POGLUT3: variants seen among roughly 807,000 people sequenced by gnomAD.
POGLUT3 encodes KDEL (Lys-Asp-Glu-Leu) containing 2.
In POGLUT3, 48 loss-of-function variants were observed where a neutral mutation model predicts 54.3. That is an observed-to-expected ratio of 0.88 (90% CI 0.70 to 1.12). POGLUT3 has a LOEUF of 1.12. Among genes scored for constraint, POGLUT3 ranks in the 50% most tolerant of loss-of-function variants. The probability of loss-of-function intolerance (pLI) is 0.00; values close to 1 mark genes in which losing one functional copy is unlikely to be tolerated. For missense variants in POGLUT3, 629 were observed against 618.7 expected (o/e 1.02, Z -0.18); for synonymous variants, 218 against 237.4 (o/e 0.92, Z 0.75).
chr11:108,488,465 G>C (rs1327334820), intron 2 of POGLUT3, among the ~76,000 whole-genome samples: 2 of 152,172 alleles, frequency 1.3e-5, no homozygotes, highest in African/African-American at 2.4e-5. Flanking sequence ...CAGGGAGGGG[G>C]ACTGTAGGCA....
Position 108,477,227 on chromosome 11 carries a change from C to T in POGLUT3, c.1398+380G>A, listed in dbSNP as rs533575783. Among the ~76,000 whole-genome samples, 4 of 152,224 alleles carry T rather than the reference C, an allele frequency of 2.6e-5. No individual in the cohort carries two copies. The East Asian group carries it at 7.7e-4, about 29-fold the overall frequency. On this transcript the variant is annotated intron_variant, in intron 7 of 7. Coordinates refer to ENST00000323468, the MANE Select transcript of POGLUT3 (RefSeq NM_153705.5). ...GACCAGCCTGGCCAACATGGCGAAA[C>T]TCCGTTTCTACTAAAAATACAAAAA...
Position 108,491,095 on chromosome 11 carries a change from G to T in POGLUT3, c.275C>A (p.Pro92His). The T allele has an allele frequency of 6.2e-7, 1 of 1,613,890 alleles. No individual in the cohort carries two copies. Among genetic ancestry groups the T allele is most frequent in the Admixed American group, 1.7e-5 (1 of 60,012 alleles). Residue 92 changes from proline (P) to histidine (H), a missense_variant, in exon 2 of 8, where the codon CCT becomes CAT. By Grantham distance (77) the Pro-to-His change is moderately conservative (BLOSUM62 -2). Transcript: ENST00000323468. The part of the protein sequence containing the change: ...KELVRIHVPK[P>H]LDRNDGTFLM... Reference sequence around the variant, plus strand: ...AAATGTTCCATCATTCCTGTCCAAAGGTTTAGGGACATGTATCCGGACCAA... The same window carrying T: ...AAATGTTCCATCATTCCTGTCCAAATGTTTAGGGACATGTATCCGGACCAA...
intron 2 of POGLUT3, among the ~76,000 whole-genome samples, chr11:108,489,688 G>A (rs1167883475): frequency 3.9e-5 from 6 of 152,156 alleles, no homozygotes; most frequent in Non-Finnish European, 5.9e-5. Flanking sequence ...TTGGGGAGCC[G>A]AGGCAGGGGG....
chr11:108,494,312 G>A (rs2093618415), intron 1 of POGLUT3, among the ~76,000 whole-genome samples: 2 of 152,190 alleles, frequency 1.3e-5, no homozygotes, highest in South Asian at 4.1e-4. Context: ...CAGCAAAAGT[G>A]TTGACCCCAC....
chr11:108,482,203 T>C lies in POGLUT3; in HGVS notation c.704A>G (p.Glu235Gly). 1 of 1,613,648 alleles carries C rather than the reference T, an allele frequency of 6.2e-7. No individual in the cohort carries two copies. The highest frequency in any genetic ancestry group is 8.5e-7 in the Non-Finnish European group (1 of 1,179,668). The part of the protein sequence containing the change: ...LTRKVLLPDL[E>G]FYVNLGDWPL... ...CCAATCTCCAAGATTAACATAAAAT[T>C]CTAAATCTGGGAGAAGGACCTAAAT... Residue 235 changes from glutamate to glycine, a missense_variant, in exon 4 of 8, where the codon GAA becomes GGA. Coordinates refer to ENST00000323468, the MANE Select transcript of POGLUT3 (RefSeq NM_153705.5).
At chr11:108,492,696 C>G (rs1253201453) in intron 1 of POGLUT3, among the ~76,000 whole-genome samples, 1 of 151,762 alleles carries the variant, frequency 6.6e-6, no homozygotes, top group African/African-American at 2.4e-5. Context: ...TAATCGAGTA[C>G]CAAACATATA....
At chr11:108,476,078 T>C (rs1211442209) in intron 7 of POGLUT3, among the ~76,000 whole-genome samples, 3 of 151,950 alleles carry the variant, frequency 2.0e-5, no homozygotes, top group Admixed American at 1.3e-4. Context: ...TCCTAGGAGG[T>C]TGAGGCTGCA....
At chr11:108,482,523 G>A (rs2093594810) in intron 3 of POGLUT3, among the ~76,000 whole-genome samples, 1 of 152,104 alleles carries the variant, frequency 6.6e-6, no homozygotes, top group Non-Finnish European at 1.5e-5. Flanking sequence ...GGAGGTTGAG[G>A]CGAGTGGATC....
intron 4 of POGLUT3, 49 bp from the exon 5 acceptor site, chr11:108,481,425 T>C (rs1005490848): frequency 7.0e-7 from 1 of 1,419,774 alleles, no homozygotes; most frequent in Non-Finnish European, 9.5e-7. Flanking sequence ...TTTGACATTT[T>C]AATATGGCAA....
In POGLUT3 at chr11:108,498,367, G is replaced by T; in HGVS notation, c.-1C>A. On this transcript the variant is annotated 5_prime_UTR_variant, in exon 1 of 8. Transcript: ENST00000323468. Reference sequence around the variant, plus strand: ...GCAGGGCCCGCGGGAGGCGGCGCATGGTCGGCGGGGCACAACTGCGGTCCA... The same window carrying T: ...GCAGGGCCCGCGGGAGGCGGCGCATTGTCGGCGGGGCACAACTGCGGTCCA... 1 of 1,308,522 alleles carries T rather than the reference G, an allele frequency of 7.6e-7. No individual in the cohort carries two copies. The highest frequency in any genetic ancestry group is 9.7e-7 in the Non-Finnish European group (1 of 1,032,198). The allele number at this position is 1,308,522 out of a possible 1,614,324, so 81.1% of individuals were successfully genotyped here. A position where few individuals can be genotyped will look rare whatever the true frequency, so the allele number is the denominator to read the frequency against.
At chr11:108,492,865 C>A (rs74540959) in intron 1 of POGLUT3, among the ~76,000 whole-genome samples, 1,585 of 152,264 alleles carry the variant, frequency 0.01, 31 homozygotes, top group African/African-American at 0.035. Flanking sequence ...AAATGAAACA[C>A]ATAAATTATT....
intron 7 of POGLUT3, among the ~76,000 whole-genome samples, chr11:108,476,584 A>AC (rs1209604350): frequency 6.6e-6 from 1 of 152,208 alleles, no homozygotes; most frequent in Non-Finnish European, 1.5e-5. Flanking sequence ...GGTAGTATCC[A>AC]CAAGCATCTA....
chr11:108,486,097 A>C, intron 3 of POGLUT3, 60 bp downstream of exon 3: 1 of 1,334,962 alleles, frequency 7.5e-7, no homozygotes, highest in Non-Finnish European at 1.0e-6. Context: ...TATAATTCTA[A>C]ACATTTAAAT....
intron 1 of POGLUT3, among the ~76,000 whole-genome samples, chr11:108,494,413 C>T (rs1245641856): frequency 2.6e-5 from 4 of 152,216 alleles, no homozygotes; most frequent in African/African-American, 9.6e-5. Context: ...TAGCTGCCAA[C>T]GACGAACACC....
At chr11:108,486,469 C>T (rs1368279359) in intron 2 of POGLUT3, 29 bp from the exon 3 acceptor site, 5 of 1,606,792 alleles carry the variant, frequency 3.1e-6, no homozygotes, top group Non-Finnish European at 3.4e-6. Context: ...AAAAAGGCCG[C>T]ACTCCATTAG....
At chr11:108,488,016 TTTGTTGTTTTTG>T in intron 2 of POGLUT3, among the ~76,000 whole-genome samples, 1 of 151,958 alleles carries the variant, frequency 6.6e-6, no homozygotes, top group African/African-American at 2.4e-5. Context: ...ACAATAGTTT[TTTGTTGTTTTTG>T]TTGTTGTTTT....
intron 2 of POGLUT3, among the ~76,000 whole-genome samples, chr11:108,489,851 C>A (rs933642438): frequency 6.6e-6 from 1 of 152,118 alleles, no homozygotes. Context: ...GAGGCTGAGG[C>A]GGGAGGTTTG....
rs2093579672 is a variant in POGLUT3, at chr11:108,475,465, T to TTG, written c.1399-514_1399-513insCA. ...TTTCTATAAATGGAGTTTTTTTTGT[T>TTG]TTTGTTTTTTTTTTTTTTTGAGACA... On this transcript the variant is annotated intron_variant, in intron 7 of 7. Coordinates refer to ENST00000323468, the MANE Select transcript of POGLUT3 (RefSeq NM_153705.5). Among the ~76,000 whole-genome samples, 6 of 141,318 alleles carry TTG rather than the reference T, an allele frequency of 4.2e-5. No individual in the cohort carries two copies. The South Asian group carries it at 9.5e-4, about 22-fold the overall frequency. 92.7% of individuals were successfully genotyped at this position (141,318 alleles called of 152,430 possible). A position where few individuals can be genotyped will look rare whatever the true frequency, so the allele number is the denominator to read the frequency against.
intron 1 of POGLUT3, among the ~76,000 whole-genome samples, chr11:108,494,742 A>T (rs1210015656): frequency 6.6e-6 from 1 of 152,246 alleles, no homozygotes; most frequent in Admixed American, 6.5e-5. Context: ...ATGAAGGTAG[A>T]AGACTGAGTA....
Sources: gnomAD v4.1 joint callset for allele counts (sites outside exome capture counted in the v4.1 genomes callset) on GRCh38, gnomAD v4.1.1 for gene constraint, MANE v1.5 for transcripts, NCBI Gene and HGNC (gene_info 2026-07-23, HGNC 2026-07-21) for gene names.